The following PPFIA2 variants were observed in gnomAD, a reference collection of about 807,000 sequenced individuals.
PPFIA2 encodes PPFI scaffold protein A2, also known as liprin-alpha-2.
PPFIA2 carries 46 observed loss-of-function variants against 175.5 expected under a neutral mutation model. The observed-to-expected ratio is 0.26, with a 90% confidence interval of 0.21 to 0.34. PPFIA2 has a LOEUF of 0.34. Ranked by LOEUF, PPFIA2 falls within the 10% of genes least tolerant of loss-of-function variation. The pLI, the probability that PPFIA2 is intolerant of heterozygous loss-of-function variation, is 1.00. For missense variants in PPFIA2, 1,179 were observed against 1,506.1 expected, an observed-to-expected ratio of 0.78 and a Z score of 3.60; for synonymous variants, 568 against 511.4, an observed-to-expected ratio of 1.11 and a Z score of -1.49.
intron 3 of PPFIA2, among the ~76,000 whole-genome samples, chr12:81,736,107 G>T (rs1486805765): frequency 6.6e-6 from 1 of 151,620 alleles, no homozygotes; most frequent in Non-Finnish European, 1.5e-5. Flanking sequence ...TGTATAAAAG[G>T]CTGCTGACAT....
chr12:81,375,948 A>G lies in PPFIA2; in HGVS notation c.985-6T>C, dbSNP rs772796747. ...TCTTCCTTTTGTGCCATGGCCTACA[A>G]TTAAAATAATTTAGAAAAAGCAAAT... On this transcript the variant is annotated splice_polypyrimidine_tract_variant and splice_region_variant and intron_variant, in intron 9 of 32. Coordinates refer to ENST00000549396, the MANE Select transcript of PPFIA2 (RefSeq NM_003625.5). 1.2e-6 allele frequency: 2 copies of G among 1,606,296 alleles called. No individual in the cohort carries two copies. The highest frequency in any genetic ancestry group is 1.1e-5 in the South Asian group (1 of 89,322).
intron 7 of PPFIA2, among the ~76,000 whole-genome samples, chr12:81,426,809 G>T (rs1400341230): frequency 2.0e-5 from 3 of 151,922 alleles, no homozygotes; most frequent in African/African-American, 7.3e-5. Context: ...CTTTCATCTT[G>T]TTTAATATGA....
chr12:81,533,139 T>C (rs1032703489), intron 4 of PPFIA2, among the ~76,000 whole-genome samples: 10 of 151,668 alleles, frequency 6.6e-5, no homozygotes, highest in African/African-American at 1.7e-4. Flanking sequence ...GAAAGGGATT[T>C]AATAAAATGA....
intron 8 of PPFIA2, among the ~76,000 whole-genome samples, chr12:81,394,808 T>TA (rs10718613): frequency 3.7e-3 from 509 of 136,674 alleles, no homozygotes; most frequent in Non-Finnish European, 4.3e-3. Context: ...TCCCAGAAGT[T>TA]AAAAAAAAAA....
intron 8 of PPFIA2, among the ~76,000 whole-genome samples, chr12:81,405,314 T>A (rs750100981): frequency 6.6e-6 from 1 of 152,150 alleles, no homozygotes; most frequent in Non-Finnish European, 1.5e-5. Flanking sequence ...AATAAAAGAT[T>A]ACCAACAATT....
At chr12:81,279,708 C>T (rs1394474641) in intron 27 of PPFIA2, among the ~76,000 whole-genome samples, 1 of 151,880 alleles carries the variant, frequency 6.6e-6, no homozygotes, top group Non-Finnish European at 1.5e-5. Context: ...AAACATTTTA[C>T]TAAAGTAATA....
chr12:81,399,290 CAAAAAAA>C (rs543794696), intron 8 of PPFIA2, among the ~76,000 whole-genome samples: 88 of 42,018 alleles, frequency 2.1e-3, no homozygotes, highest in Middle Eastern at 0.031. Context: ...TCCTTCTTCA[CAAAAAAA>C]AAAAAAAAAA....
At chr12:81,704,363 G>C (rs2076850782) in intron 3 of PPFIA2, among the ~76,000 whole-genome samples, 1 of 152,034 alleles carries the variant, frequency 6.6e-6, no homozygotes, top group South Asian at 2.1e-4. Flanking sequence ...TTATGAAGAA[G>C]GTTGAGTAAA....
chr12:81,564,894 G>A (rs2070954559), intron 4 of PPFIA2, among the ~76,000 whole-genome samples: 2 of 152,062 alleles, frequency 1.3e-5, no homozygotes, highest in Non-Finnish European at 2.9e-5. Flanking sequence ...TTGAAATTGT[G>A]GAAAAACAGA....
At chr12:81,757,960 G>A (rs148843505) in intron 2 of PPFIA2, among the ~76,000 whole-genome samples, 42 of 152,264 alleles carry the variant, frequency 2.8e-4, no homozygotes, top group African/African-American at 9.9e-4. Flanking sequence ...AGAAATCCTA[G>A]CCATTGTCTG....
At chr12:81,304,048 C>T (rs2048532577) in intron 22 of PPFIA2, among the ~76,000 whole-genome samples, 2 of 152,146 alleles carry the variant, frequency 1.3e-5, no homozygotes, top group African/African-American at 4.8e-5. Context: ...CATCACATGC[C>T]TCCCTGCCTT....
At chr12:81,706,491 A>T (rs2077160024) in intron 3 of PPFIA2, among the ~76,000 whole-genome samples, 2 of 152,192 alleles carry the variant, frequency 1.3e-5, no homozygotes, top group South Asian at 4.1e-4. Context: ...AAATGCATAT[A>T]TTTTTTATTT....
At chr12:81,692,501 AG>A (rs767872969) in intron 3 of PPFIA2, among the ~76,000 whole-genome samples, 4 of 152,150 alleles carry the variant, frequency 2.6e-5, no homozygotes, top group Non-Finnish European at 5.9e-5. Flanking sequence ...TCTGTTATTG[AG>A]TTTTCTATGT....
At chr12:81,502,298 T>G (rs1248311806) in intron 4 of PPFIA2, among the ~76,000 whole-genome samples, 2 of 152,140 alleles carry the variant, frequency 1.3e-5, no homozygotes, top group Non-Finnish European at 2.9e-5. Context: ...CATTTAAGAA[T>G]CAGCCTTTTC....
intron 30 of PPFIA2, among the ~76,000 whole-genome samples, chr12:81,265,038 A>G (rs1593363226): frequency 1.3e-5 from 2 of 151,752 alleles, no homozygotes; most frequent in South Asian, 4.2e-4. Flanking sequence ...CACGCCTGTA[A>G]TCCCAGCATT....
intron 8 of PPFIA2, among the ~76,000 whole-genome samples, chr12:81,394,665 G>A (rs1013791885): frequency 6.6e-6 from 1 of 151,932 alleles, no homozygotes; most frequent in Non-Finnish European, 1.5e-5. Context: ...GGTGTTGGGG[G>A]CAAGGGGAGG....
intron 3 of PPFIA2, among the ~76,000 whole-genome samples, chr12:81,693,971 C>T (rs2075585355): frequency 6.6e-6 from 1 of 151,844 alleles, no homozygotes; most frequent in Non-Finnish European, 1.5e-5. Context: ...AAAGAAATTT[C>T]TAATTAACAA....
At chr12:81,311,044 C>T (rs1300056314) in intron 22 of PPFIA2, among the ~76,000 whole-genome samples, 1 of 152,140 alleles carries the variant, frequency 6.6e-6, no homozygotes, top group Admixed American at 6.6e-5. Context: ...GCAATACCTT[C>T]TTCTCAGTCC....
At chr12:81,406,000 A>G in intron 7 of PPFIA2, 97 bp from the exon 8 acceptor site, 1 of 610,194 alleles carries the variant, frequency 1.6e-6, no homozygotes, top group East Asian at 3.0e-5. Context: ...ACTAATGAAC[A>G]CTAACAAATA....
Sources: allele counts gnomAD v4.1 joint callset (sites outside exome capture counted in the v4.1 genomes callset), GRCh38; gene constraint gnomAD v4.1.1; transcripts MANE v1.5; gene names NCBI Gene and HGNC (gene_info 2026-07-23, HGNC 2026-07-21).